The following NRCAM variants were observed in gnomAD, a reference collection of about 807,000 sequenced individuals.
The protein encoded by NRCAM is neuronal cell adhesion molecule.
A neutral mutation model predicts 156.5 loss-of-function variants in NRCAM; 83 were observed. The observed-to-expected ratio is 0.53, with a 90% CI of 0.44 to 0.64. The LOEUF (loss-of-function observed/expected upper bound fraction) is 0.64. Among genes scored for constraint, NRCAM ranks in the 30% least tolerant of loss-of-function variants. NRCAM has a pLI of 0.00. For missense variants in NRCAM, 1,417 were observed against 1,597.3 expected, an observed-to-expected ratio of 0.89 and a Z score of 1.92; for synonymous variants, 538 against 563.9, an observed-to-expected ratio of 0.95 and a Z score of 0.65.
At chr7:108,323,833 G>A (rs2099032248) in intron 2 of NRCAM, among the ~76,000 whole-genome samples, 1 of 152,082 alleles carries the variant, frequency 6.6e-6, no homozygotes, top group Non-Finnish European at 1.5e-5. Flanking sequence ...AATGGTCAGG[G>A]AAAAACCTTC....
chr7:108,159,579 C>T, intron 31 of NRCAM, 38 bp from the exon 32 acceptor site: 1 of 1,486,222 alleles, frequency 6.7e-7, no homozygotes, highest in Non-Finnish European at 9.4e-7. Context: ...TCTGTTGATC[C>T]TGTTCTTTCT....
intron 1 of NRCAM, among the ~76,000 whole-genome samples, chr7:108,415,086 A>G (rs138240690): frequency 8.1e-4 from 124 of 152,334 alleles, no homozygotes; most frequent in African/African-American, 2.9e-3. Flanking sequence ...TTGCAGTATA[A>G]TATTCCCAGC....
At chr7:108,417,702 T>C (rs1377836326) in intron 1 of NRCAM, among the ~76,000 whole-genome samples, 1 of 152,198 alleles carries the variant, frequency 6.6e-6, no homozygotes, top group East Asian at 1.9e-4. Context: ...CTCTGGACAC[T>C]AGGCAGATGG....
At chr7:108,394,319 G>A (rs970419184) in intron 2 of NRCAM, among the ~76,000 whole-genome samples, 2 of 152,186 alleles carry the variant, frequency 1.3e-5, no homozygotes, top group Admixed American at 6.5e-5. Flanking sequence ...CAGTGACTGT[G>A]TCTTCTGATC....
rs193273700 is a variant in NRCAM at position 108,363,336 on chromosome 7, C to T, written c.-174+36100G>A. Among the ~76,000 whole-genome samples the T allele has an allele frequency of 1.8e-4, 27 of 151,998 alleles. 1 individual carries two copies. The East Asian group carries it at 2.1e-3, about 12-fold the overall frequency. On this transcript the variant is annotated intron_variant, in intron 2 of 32. Transcript: ENST00000379028. ...TTGCTCAGGCTGGAGTGCAGTGGTGCGCTCATAGTACGACGTTGGCTTCCT... is the reference window on the plus strand; with the variant it reads ...TTGCTCAGGCTGGAGTGCAGTGGTGTGCTCATAGTACGACGTTGGCTTCCT...
Position 108,232,540 on chromosome 7 carries a change from T to C in NRCAM, c.231-18A>G, listed in dbSNP as rs1362646968. 3 of 1,584,748 alleles carry C rather than the reference T, an allele frequency of 1.9e-6. No individual in the cohort carries two copies. Among genetic ancestry groups the C allele is most frequent in the Non-Finnish European group, 2.6e-6 (3 of 1,165,760 alleles). ...AGGAAAAGCTGCCCAACACACGAAG[T>C]GTTAAGTGTATTAATGGTCCAGAAA... On this transcript the variant is annotated intron_variant, in intron 6 of 32. Transcript: ENST00000379028.
At chr7:108,228,303 C>T (rs897905349) in intron 8 of NRCAM, among the ~76,000 whole-genome samples, 7 of 150,136 alleles carry the variant, frequency 4.7e-5, no homozygotes, top group African/African-American at 1.7e-4. Context: ...GCCTGGGTGA[C>T]AGAGCGAGAC....
At position 108,324,877 on chromosome 7, in the gene NRCAM, C is replaced by CATTTTTTTTTTTT. The variant is rs201240389; in HGVS notation, c.-173-12147_-173-12146insAAAAAAAAAAAAT. ...TGTTTGTGTAATATTTGGCACTGTACTTTTTTTTTTTTTTTTTTTTTTTTT... is the reference window on the plus strand; with the variant it reads ...TGTTTGTGTAATATTTGGCACTGTACATTTTTTTTTTTTTTTTTTTTTTTTTTTTTTTTTTTTT... On this transcript the variant is annotated intron_variant, in intron 2 of 32. Coordinates refer to ENST00000379028, the MANE Select transcript of NRCAM (RefSeq NM_001037132.4). Among the ~76,000 whole-genome samples, 9 of 82,676 alleles carry CATTTTTTTTTTTT rather than the reference C, an allele frequency of 1.1e-4. 1 individual carries two copies. Among genetic ancestry groups the CATTTTTTTTTTTT allele is most frequent in the African/African-American group, 1.5e-4 (3 of 19,532 alleles). The allele number at this position is 82,676 out of a possible 152,430, so 54.2% of individuals were successfully genotyped here.
intron 2 of NRCAM, among the ~76,000 whole-genome samples, chr7:108,347,042 T>TG (rs957940285): frequency 7.3e-6 from 1 of 137,276 alleles, no homozygotes; most frequent in African/African-American, 2.7e-5. Flanking sequence ...GTTTTTTTTT[T>TG]TTTTTTTTTT....
chr7:108,262,329 T>G (rs1227142550), intron 3 of NRCAM, among the ~76,000 whole-genome samples: 1 of 152,134 alleles, frequency 6.6e-6, no homozygotes, highest in Admixed American at 6.5e-5. Context: ...GTGGTGTGTG[T>G]GTGTGTGTTT....
At chr7:108,272,528 A>C (rs1442572271) in intron 3 of NRCAM, among the ~76,000 whole-genome samples, 1 of 152,186 alleles carries the variant, frequency 6.6e-6, no homozygotes, top group African/African-American at 2.4e-5. Context: ...CTGAAGAGTT[A>C]CTAATATGTT....
intron 3 of NRCAM, among the ~76,000 whole-genome samples, chr7:108,288,130 C>CT (rs2098166666): frequency 6.6e-6 from 1 of 152,024 alleles, no homozygotes; most frequent in Admixed American, 6.6e-5. Context: ...AGTGAAATGA[C>CT]TGAAAACAGA....
At chr7:108,228,387 A>G (rs902378767) in intron 8 of NRCAM, among the ~76,000 whole-genome samples, 2 of 152,172 alleles carry the variant, frequency 1.3e-5, no homozygotes, top group Non-Finnish European at 2.9e-5. Context: ...TAAGACAAAA[A>G]CATTTCTTGT....
chr7:108,263,267 A>C (rs2096952646), intron 3 of NRCAM, among the ~76,000 whole-genome samples: 1 of 152,252 alleles, frequency 6.6e-6, no homozygotes, highest in South Asian at 2.1e-4. Flanking sequence ...TTCACAGAAA[A>C]GAATTTCATT....
rs1587679665 is a variant in NRCAM at position 108,195,389 on chromosome 7, T to C, written c.1463+372A>G. Among the ~76,000 whole-genome samples the C allele has an allele frequency of 2.0e-5, 3 of 152,138 alleles. No homozygotes were observed. The South Asian group carries it at 6.2e-4, about 31-fold the overall frequency. ...CTATAATCCCAGCACTTTGGGAGGC[T>C]GAGGCGGGCGGATAATCTGAGGTTA... On this transcript the variant is annotated intron_variant, in intron 15 of 32. Coordinates refer to ENST00000379028, the MANE Select transcript of NRCAM (RefSeq NM_001037132.4).
chr7:108,282,802 A>G (rs1321762567), intron 3 of NRCAM, among the ~76,000 whole-genome samples: 5 of 152,242 alleles, frequency 3.3e-5, no homozygotes, highest in Non-Finnish European at 7.3e-5. Context: ...AGTCATCACT[A>G]GTAAAAGACA....
At chr7:108,163,667 G>A (rs2050911483) in intron 30 of NRCAM, among the ~76,000 whole-genome samples, 1 of 152,030 alleles carries the variant, frequency 6.6e-6, no homozygotes. Flanking sequence ...AAGGGGAGGT[G>A]GATGGCATTA....
chr7:108,391,135 T>C (rs1408636999), intron 2 of NRCAM, among the ~76,000 whole-genome samples: 1 of 152,190 alleles, frequency 6.6e-6, no homozygotes, highest in East Asian at 1.9e-4. Flanking sequence ...CCCTATTAAC[T>C]TTCTGTCTTG....
intron 3 of NRCAM, among the ~76,000 whole-genome samples, chr7:108,303,819 A>G (rs148825596): frequency 1.3e-5 from 2 of 152,262 alleles, no homozygotes; most frequent in East Asian, 3.9e-4. Context: ...CACCATGCAG[A>G]GTTGCTACAT....
Sources: gnomAD v4.1 joint callset for allele counts (sites outside exome capture counted in the v4.1 genomes callset) on GRCh38, gnomAD v4.1.1 for gene constraint, MANE v1.5 for transcripts, NCBI Gene and HGNC (gene_info 2026-07-23, HGNC 2026-07-21) for gene names.